The following ANKRD63 variants were observed in gnomAD, a reference collection of about 807,000 sequenced individuals.
The protein encoded by ANKRD63 is ankyrin repeat domain 63, also known as ankyrin repeat domain-containing protein 63.
ANKRD63 carries 18 observed loss-of-function variants against 21.2 expected under a neutral mutation model. That is an observed-to-expected ratio of 0.85 (90% CI 0.59 to 1.26). The LOEUF is 1.26. Among genes scored for constraint, ANKRD63 ranks in the 50% most tolerant of loss-of-function variants. The probability of loss-of-function intolerance (pLI) is 0.00; values close to 1 mark genes in which losing one functional copy is unlikely to be tolerated. For synonymous variants in ANKRD63, 322 were observed against 273.3 expected, an observed-to-expected ratio of 1.18 and a Z score of -1.76; for missense variants, 523 against 570.9, an observed-to-expected ratio of 0.92 and a Z score of 0.85.
chr15:40,281,801 A>G lies in ANKRD63; in HGVS notation c.786T>C (p.Gly262=), dbSNP rs1276970364. Reference sequence around the variant, plus strand: ...GGGCAGCCTCCTCCTCGGTTACCGCACCTAGAGCCAGGCTCATGCTCCGAC... The same window carrying G: ...GGGCAGCCTCCTCCTCGGTTACCGCGCCTAGAGCCAGGCTCATGCTCCGAC... ...ELGRSMSLAL[G]AVTEEEAARL... is the part of the protein sequence containing the mutation. The change falls in exon 1 of 1, where the codon GGT becomes GGC. Residue 262 remains glycine (G), a synonymous_variant. Transcript: ENST00000434396. 1.3e-6 allele frequency: 2 copies of G among 1,534,948 alleles called. No individual in the cohort carries two copies. Among genetic ancestry groups the G allele is most frequent in the African/African-American group, 2.7e-5 (2 of 73,106 alleles).
rs1475958646 is a variant in ANKRD63 at position 40,281,997 on chromosome 15, C to A, written c.590G>T (p.Arg197Leu). 4.1e-6 allele frequency: 5 copies of A among 1,212,056 alleles called. No homozygotes were observed. The highest frequency in any genetic ancestry group is 3.3e-5 in the African/African-American group (2 of 60,158). 75.1% of individuals were successfully genotyped at this position (1,212,056 alleles called of 1,614,324 possible). ...RGSNSDSPPG[R>L]PAPAASPEHR... ...CTCGGGGCTGGCCGCGGGGGCCGGG[C>A]GGCCAGGGGGACTATCGGAGTTGGA... Residue 197 changes from arginine to leucine, a missense_variant, in exon 1 of 1, where the codon CGC (arginine) becomes CTC (leucine). Transcript: ENST00000434396.
At position 40,282,391 on chromosome 15, in the gene ANKRD63, A is replaced by AGCGC; in HGVS notation, c.192_195dup (p.Phe66AlafsTer45). 6.7e-7 allele frequency: 1 copy of AGCGC among 1,499,630 alleles called. No homozygotes were observed. Among genetic ancestry groups the AGCGC allele is most frequent in the Non-Finnish European group, 8.8e-7 (1 of 1,133,654 alleles). 92.9% of individuals were successfully genotyped at this position (1,499,630 alleles called of 1,614,324 possible). On this transcript the variant is annotated frameshift_variant, in exon 1 of 1. Transcript: ENST00000434396. LOFTEE classifies it high-confidence loss of function. ...CCCTGCTCGAGCAGCAGCCGCACGA[A>AGCGC]GCGCGCGCGCAGCGCGGGGTCCGGC...
Position 40,280,078 on chromosome 15 carries a change from A to G in ANKRD63, c.*1366T>C, listed in dbSNP as rs2039524038. On this transcript the variant is annotated 3_prime_UTR_variant, in exon 1 of 1. Coordinates refer to ENST00000434396, the MANE Select transcript of ANKRD63 (RefSeq NM_001190479.3). ...GACCACCTCTCTGCGGTTGCCTCTG[A>G]CTTACTCATCTACCCAGTAATAAAA... is the stretch of plus-strand genomic sequence containing the variant. 6.6e-6 allele frequency among the ~76,000 whole-genome samples: 1 copy of G among 152,176 alleles called. No individual in the cohort carries two copies. The highest frequency in any genetic ancestry group is 2.4e-5 in the African/African-American group (1 of 41,454).
At position 40,282,994 on chromosome 15, in the gene ANKRD63, G is replaced by C. The variant is rs1022754376; in HGVS notation, c.-408C>G. 2.6e-5 allele frequency among the ~76,000 whole-genome samples: 4 copies of C among 152,126 alleles called. No homozygotes were observed. The highest frequency in any genetic ancestry group is 9.7e-5 in the African/African-American group (4 of 41,426). On this transcript the variant is annotated 5_prime_UTR_variant, in exon 1 of 1. Coordinates refer to ENST00000434396, the MANE Select transcript of ANKRD63 (RefSeq NM_001190479.3). ...CTCACCCGCACCCAGGGCAGCCCCC[G>C]CTCCCCCGCAGCGACGGTGGCGCCC...
At position 40,278,912 on chromosome 15, in the gene ANKRD63, T is replaced by C. The variant is rs989985847; in HGVS notation, c.*2532A>G. ...CCGTATATCAGAGATACTGGAAAGA[T>C]TACAGCACCTCTGATACAATGTGCA... On this transcript the variant is annotated 3_prime_UTR_variant, in exon 1 of 1. Coordinates refer to ENST00000434396, the MANE Select transcript of ANKRD63 (RefSeq NM_001190479.3). 6.6e-6 allele frequency among the ~76,000 whole-genome samples: 1 copy of C among 152,186 alleles called. No homozygotes were observed. The highest frequency in any genetic ancestry group is 1.5e-5 in the Non-Finnish European group (1 of 68,050).
rs575222635 is a variant in ANKRD63, at chr15:40,280,532, C to T, written c.*912G>A. On this transcript the variant is annotated 3_prime_UTR_variant, in exon 1 of 1. Transcript: ENST00000434396. The stretch of plus-strand genomic sequence containing the variant: ...AGCACCCACGTGCGGGACGGGGGAG[C>T]TGGGAGGCGTGGAGGCGGGGAAGCG... 2.6e-5 allele frequency among the ~76,000 whole-genome samples: 4 copies of T among 152,394 alleles called. No individual in the cohort carries two copies. In the South Asian group the frequency reaches 8.3e-4, roughly 32 times the overall value.
Position 40,280,428 on chromosome 15 carries a change from A to G in ANKRD63, c.*1016T>C, listed in dbSNP as rs1409208616. On this transcript the variant is annotated 3_prime_UTR_variant, in exon 1 of 1. Coordinates refer to ENST00000434396, the MANE Select transcript of ANKRD63 (RefSeq NM_001190479.3). ...CCCGCTGCTTTCTGCTTCATATACA[A>G]AGGCTTAAAACACGAGTTCTTTGAG... Among the ~76,000 whole-genome samples the G allele has an allele frequency of 6.6e-6, 1 of 152,230 alleles. No individual in the cohort carries two copies. Among genetic ancestry groups the G allele is most frequent in the Admixed American group, 6.5e-5 (1 of 15,286 alleles).
In ANKRD63 at chr15:40,282,569, G is replaced by A. The variant is rs2141004484; in HGVS notation, c.18C>T (p.Asp6=). Residue 6 remains aspartate, a synonymous_variant, in exon 1 of 1, where the codon GAC becomes GAT. Coordinates refer to ENST00000434396, the MANE Select transcript of ANKRD63 (RefSeq NM_001190479.3). ...TGCGCGTCCCCGCTCGGGGGCACAG[G>A]TCCTTGGGTTTGAGCATGGCCCCGG... MLKPK[D]LCPRAGTRTF... 2.8e-6 allele frequency: 4 copies of A among 1,447,310 alleles called. No homozygotes were observed. The highest frequency in any genetic ancestry group is 2.8e-5 in the South Asian group (2 of 72,524). 89.7% of individuals were successfully genotyped at this position (1,447,310 alleles called of 1,614,324 possible). A position where few individuals can be genotyped will look rare whatever the true frequency, so the allele number is the denominator to read the frequency against.
At position 40,281,933 on chromosome 15, in the gene ANKRD63, G is replaced by T. The variant is rs1484761322; in HGVS notation, c.654C>A (p.Leu218=). The T allele has an allele frequency of 1.5e-6, 2 of 1,337,944 alleles. No individual in the cohort carries two copies. The highest frequency in any genetic ancestry group is 3.1e-5 in the African/African-American group (2 of 64,624). The allele number at this position is 1,337,944 out of a possible 1,614,324, so 82.9% of individuals were successfully genotyped here. ...CCGCCGCTCGCGCAAAGCGCGCCAGGAGAGGCCGCGGGAGGCGGCGGGGGC... is the reference window on the plus strand; with the variant it reads ...CCGCCGCTCGCGCAAAGCGCGCCAGTAGAGGCCGCGGGAGGCGGCGGGGGC... ...RPSPRRLPRP[L]LARFARAAGG... Residue 218 remains leucine, a synonymous_variant, in exon 1 of 1, where the codon CTC becomes CTA. Transcript: ENST00000434396.
rs939136002 is a variant in ANKRD63 at position 40,282,563 on chromosome 15, G to A, written c.24C>T (p.Cys8=). The A allele has an allele frequency of 2.0e-6, 3 of 1,463,832 alleles. No homozygotes were observed. The highest frequency in any genetic ancestry group is 2.5e-5 in the Admixed American group (1 of 40,522). The allele number at this position is 1,463,832 out of a possible 1,614,324, so 90.7% of individuals were successfully genotyped here. ...GGAAGGTGCGCGTCCCCGCTCGGGG[G>A]CACAGGTCCTTGGGTTTGAGCATGG... MLKPKDL[C]PRAGTRTFLE... The change falls in exon 1 of 1, where the codon TGC becomes TGT. Residue 8 remains cysteine (C), a synonymous_variant. Transcript: ENST00000434396.
In ANKRD63 at chr15:40,278,812, G is replaced by A. The variant is rs1473021794; in HGVS notation, c.*2632C>T. Among the ~76,000 whole-genome samples, 3 of 152,212 alleles carry A rather than the reference G, an allele frequency of 2.0e-5. No homozygotes were observed. The highest frequency in any genetic ancestry group is 4.4e-5 in the Non-Finnish European group (3 of 68,010). ...CATCGCTTTCTACCACCAAGCTCTC[G>A]GCAGCTCCACAGAGAAGAGCCCTCA... On this transcript the variant is annotated 3_prime_UTR_variant, in exon 1 of 1. Transcript: ENST00000434396.
rs1409283510 is a variant in ANKRD63, at chr15:40,280,542, T to TGGAGGCGG, written c.*894_*901dup. ...TGCGGGACGGGGGAGCTGGGAGGCG[T>TGGAGGCGG]GGAGGCGGGGAAGCGCTCAGTCCTT... On this transcript the variant is annotated 3_prime_UTR_variant, in exon 1 of 1. Transcript: ENST00000434396. Among the ~76,000 whole-genome samples, 1 of 152,240 alleles carries TGGAGGCGG rather than the reference T, an allele frequency of 6.6e-6. No homozygotes were observed. Among genetic ancestry groups the TGGAGGCGG allele is most frequent in the Non-Finnish European group, 1.5e-5 (1 of 68,042 alleles).
chr15:40,278,510 G>T lies in ANKRD63; in HGVS notation c.*2934C>A, dbSNP rs1281084341. 6.6e-6 allele frequency among the ~76,000 whole-genome samples: 1 copy of T among 152,204 alleles called. No individual in the cohort carries two copies. The highest frequency in any genetic ancestry group is 1.5e-5 in the Non-Finnish European group (1 of 68,038). On this transcript the variant is annotated 3_prime_UTR_variant, in exon 1 of 1. Transcript: ENST00000434396. ...CACTTCTGATCTTAGGGTACCAAGT[G>T]CCAGCATCCTGGGTGACTCTTCACA...
Position 40,281,892 on chromosome 15 carries a change from T to G in ANKRD63, c.695A>C (p.Glu232Ala). Residue 232 changes from glutamate (E) to alanine (A), a missense_variant, in exon 1 of 1, where the codon GAG becomes GCG. Transcript: ENST00000434396. Reference sequence around the variant, plus strand: ...CGAATTCTTGCCCGCTGAGCCAGCCTCGCCGCCGTGGCCGCCCGCCGCTCG... The same window carrying G: ...CGAATTCTTGCCCGCTGAGCCAGCCGCGCCGCCGTGGCCGCCCGCCGCTCG... The part of the protein sequence containing the change: ...FARAAGGHGG[E>A]AGSAGKNSGR... 7.0e-7 allele frequency: 1 copy of G among 1,421,954 alleles called. No homozygotes were observed. Among genetic ancestry groups the G allele is most frequent in the Non-Finnish European group, 9.1e-7 (1 of 1,097,656 alleles). The allele number at this position is 1,421,954 out of a possible 1,614,324, so 88.1% of individuals were successfully genotyped here.
At position 40,278,711 on chromosome 15, in the gene ANKRD63, T is replaced by C. The variant is rs1452420772; in HGVS notation, c.*2733A>G. Among the ~76,000 whole-genome samples the C allele has an allele frequency of 6.6e-6, 1 of 152,164 alleles. No homozygotes were observed. Among genetic ancestry groups the C allele is most frequent in the Admixed American group, 6.5e-5 (1 of 15,276 alleles). On this transcript the variant is annotated 3_prime_UTR_variant, in exon 1 of 1. Transcript: ENST00000434396. ...ACAGAGCCGGGCCTGGGAAGGAGTCTGTATGTATGGACAGCAAGGCAGTCA... is the reference window on the plus strand; with the variant it reads ...ACAGAGCCGGGCCTGGGAAGGAGTCCGTATGTATGGACAGCAAGGCAGTCA...
chr15:40,279,944 T>A lies in ANKRD63; in HGVS notation c.*1500A>T, dbSNP rs1595612433. ...CTTCCGCAAGGTCCTAGCGCACCCG[T>A]CCCGCCGGACCCCCGCCCCCAACCC... On this transcript the variant is annotated 3_prime_UTR_variant, in exon 1 of 1. Coordinates refer to ENST00000434396, the MANE Select transcript of ANKRD63 (RefSeq NM_001190479.3). Among the ~76,000 whole-genome samples, 1 of 152,096 alleles carries A rather than the reference T, an allele frequency of 6.6e-6. No individual in the cohort carries two copies. The highest frequency in any genetic ancestry group is 1.9e-4 in the East Asian group (1 of 5,182).
At position 40,282,645 on chromosome 15, in the gene ANKRD63, C is replaced by T; in HGVS notation, c.-59G>A. 6 of 1,282,972 alleles carry T rather than the reference C, an allele frequency of 4.7e-6. No individual in the cohort carries two copies. The highest frequency in any genetic ancestry group is 6.0e-6 in the Non-Finnish European group (6 of 998,322). The allele number at this position is 1,282,972 out of a possible 1,614,324, so 79.5% of individuals were successfully genotyped here. ...TTCCGCACGGGGGCGCCCCTGTTCT[C>T]GCGCCCCGCGGGGCTCCGGCCTCCG... On this transcript the variant is annotated 5_prime_UTR_variant, in exon 1 of 1. Coordinates refer to ENST00000434396, the MANE Select transcript of ANKRD63 (RefSeq NM_001190479.3).
In ANKRD63 at chr15:40,281,863, G is replaced by A. The variant is rs952537889; in HGVS notation, c.724C>T (p.Arg242Trp). 2.4e-5 allele frequency: 36 copies of A among 1,503,418 alleles called. No individual in the cohort carries two copies. Among genetic ancestry groups the A allele is most frequent in the Admixed American group, 4.3e-5 (2 of 46,136 alleles). The allele number at this position is 1,503,418 out of a possible 1,614,324, so 93.1% of individuals were successfully genotyped here. ...CGTTCGCTGCCCTGCGCCCGGTGCC[G>A]GCCCGAATTCTTGCCCGCTGAGCCA... ...EAGSAGKNSG[R>W]HRAQGSERPE... is the part of the protein sequence containing the mutation. The change falls in exon 1 of 1, where the codon CGG (arginine) becomes TGG (tryptophan). Residue 242 changes from arginine (R) to tryptophan (W), a missense_variant. Arg to Trp is a moderately radical substitution (Grantham distance 101). This residue lies in a region of ANKRD63 where 308 missense variants were observed against 290.4 expected (regional missense o/e 1.06). Transcript: ENST00000434396.
At position 40,281,846 on chromosome 15, in the gene ANKRD63, G is replaced by A. The variant is rs1478255224; in HGVS notation, c.741C>T (p.Gly247=). The A allele has an allele frequency of 5.2e-6, 8 of 1,525,560 alleles. No homozygotes were observed. In the East Asian group the frequency reaches 2.0e-4, roughly 38 times the overall value. The allele number at this position is 1,525,560 out of a possible 1,614,324, so 94.5% of individuals were successfully genotyped here. Reference sequence around the variant, plus strand: ...TCCGACCCAGCTCGGGCCGTTCGCTGCCCTGCGCCCGGTGCCGGCCCGAAT... The same window carrying A: ...TCCGACCCAGCTCGGGCCGTTCGCTACCCTGCGCCCGGTGCCGGCCCGAAT... ...GKNSGRHRAQ[G]SERPELGRSM... Residue 247 remains glycine (G), a synonymous_variant, in exon 1 of 1, where the codon GGC becomes GGT. Transcript: ENST00000434396.
Sources: allele counts gnomAD v4.1 joint callset (sites outside exome capture counted in the v4.1 genomes callset), GRCh38; gene constraint gnomAD v4.1.1; regional missense constraint gnomAD v4.1.1; transcripts MANE v1.5; gene names NCBI Gene and HGNC (gene_info 2026-07-23, HGNC 2026-07-21).